Variants in COL4A5 observed in about 807,000 individuals in gnomAD.
COL4A5 encodes the protein collagen type IV alpha 5 chain, also known as collagen alpha-5(IV) chain.
Under a neutral mutation model 130.2 loss-of-function variants are expected in COL4A5, and 26 were observed. The observed-to-expected ratio is 0.20, with a 90% CI of 0.15 to 0.28. The LOEUF (loss-of-function observed/expected upper bound fraction) is 0.28, where lower values mean the gene tolerates loss of function less well. Among genes scored for constraint, COL4A5 ranks in the 10% least tolerant of loss-of-function variants. The probability of loss-of-function intolerance (pLI) is 1.00; values close to 1 mark genes in which losing one functional copy is unlikely to be tolerated. For synonymous variants in COL4A5, 496 were observed against 439.6 expected, an observed-to-expected ratio of 1.13 and a Z score of -1.60; for missense variants, 1,131 against 1,344.3, an observed-to-expected ratio of 0.84 and a Z score of 2.48.
At chrX:108,618,070 G>C (rs758251829) in intron 30 of COL4A5, among the ~76,000 whole-genome samples, 75 of 111,261 alleles carry the variant, frequency 6.7e-4, no homozygotes, top group Non-Finnish European at 1.4e-3. Flanking sequence ...TTATAAACTG[G>C]TTCCATTCGG....
rs1256412228 is a variant in COL4A5 at position 108,501,716 on chromosome X, C to G, written c.82-38030C>G. Among the ~76,000 whole-genome samples the G allele has an allele frequency of 4.5e-5, 5 of 112,127 alleles. No homozygotes were observed. The Admixed American group carries it at 4.7e-4, about 11-fold the overall frequency. On this transcript the variant is annotated intron_variant, in intron 1 of 52. Transcript: ENST00000328300. Reference sequence around the variant, plus strand: ...GCCATGATATAGTTGTGTCAATGACCTTTCAGTTACATATTACTATTATAT... The same window carrying G: ...GCCATGATATAGTTGTGTCAATGACGTTTCAGTTACATATTACTATTATAT...
At chrX:108,614,335 A>G (rs193280299) in intron 29 of COL4A5, among the ~76,000 whole-genome samples, 1 of 111,819 alleles carries the variant, frequency 8.9e-6, no homozygotes, top group Non-Finnish European at 1.9e-5. Flanking sequence ...TCTTGATTTT[A>G]GTGGTGGTTA....
At chrX:108,534,008 C>G (rs189288090) in intron 1 of COL4A5, among the ~76,000 whole-genome samples, 23 of 109,978 alleles carry the variant, frequency 2.1e-4, no homozygotes, top group African/African-American at 6.6e-4. Flanking sequence ...TTATCCCAGT[C>G]AAAATGGCTA....
intron 1 of COL4A5, among the ~76,000 whole-genome samples, chrX:108,508,650 C>T (rs1270410775): frequency 9.2e-6 from 1 of 108,545 alleles, no homozygotes; most frequent in African/African-American, 3.4e-5. Context: ...CATCACATCA[C>T]CCAACTTCAA....
intron 38 of COL4A5, among the ~76,000 whole-genome samples, chrX:108,666,007 G>T (rs2068069704): frequency 9.1e-6 from 1 of 109,384 alleles, no homozygotes; most frequent in Non-Finnish European, 1.9e-5. Context: ...AGCCAAGATC[G>T]TGCCACTGCA....
At chrX:108,485,137 A>C (rs2064931883) in intron 1 of COL4A5, among the ~76,000 whole-genome samples, 1 of 111,538 alleles carries the variant, frequency 9.0e-6, no homozygotes, top group Non-Finnish European at 1.9e-5. Flanking sequence ...CTTAAGGCCC[A>C]AGAGCTCTTC....
intron 36 of COL4A5, among the ~76,000 whole-genome samples, chrX:108,652,570 A>G (rs2067753002): frequency 2.7e-5 from 3 of 112,418 alleles, no homozygotes; most frequent in Non-Finnish European, 3.8e-5. Flanking sequence ...CTTTTTTACC[A>G]ATAGATGTCT....
chrX:108,626,587 T>C, intron 36 of COL4A5: 2 of 1,113,494 alleles, frequency 1.8e-6, no homozygotes, highest in Non-Finnish European at 2.3e-6. Context: ...CTATCTTAAT[T>C]TCTGGATATA....
At chrX:108,639,569 A>T (rs2067421081) in intron 36 of COL4A5, among the ~76,000 whole-genome samples, 1 of 111,774 alleles carries the variant, frequency 8.9e-6, no homozygotes, top group African/African-American at 3.2e-5. Context: ...TGTGCATCCA[A>T]GAACACTACT....
At chrX:108,484,693 G>A (rs975382527) in intron 1 of COL4A5, among the ~76,000 whole-genome samples, 2 of 112,860 alleles carry the variant, frequency 1.8e-5, no homozygotes, top group African/African-American at 3.2e-5. Flanking sequence ...GGCTGGAGAT[G>A]TGTTGACACA....
At chrX:108,680,539 T>G in intron 44 of COL4A5, 140 bp from the exon 45 acceptor site, 1 of 523,813 alleles carries the variant, frequency 1.9e-6, no homozygotes, top group Non-Finnish European at 3.3e-6. Context: ...CAAGATAATA[T>G]AAGGCAAAAT....
At chrX:108,606,248 T>C (rs1276231766) in intron 28 of COL4A5, among the ~76,000 whole-genome samples, 1 of 111,886 alleles carries the variant, frequency 8.9e-6, no homozygotes, top group Non-Finnish European at 1.9e-5. Flanking sequence ...ATTATTATGA[T>C]TTTATAACAT....
intron 1 of COL4A5, among the ~76,000 whole-genome samples, chrX:108,445,933 C>CTA (rs2064447420): frequency 9.0e-6 from 1 of 111,063 alleles, no homozygotes; most frequent in African/African-American, 3.3e-5. Flanking sequence ...ATTTTCTTTC[C>CTA]TATATATATA....
Position 108,597,020 on chromosome X carries a change from G to C in COL4A5, c.1539G>C (p.Gln513His), listed in dbSNP as rs1186672941. ...GPPGSLGFPG[Q>H]KGEKGQAGAT... ...TAGGATCTCTTGGTTTCCCTGGACA[G>C]AAAGGGGAAAAAGGACAAGCTGGTG... Residue 513 changes from glutamine (Q) to histidine (H), a missense_variant, in exon 23 of 53, where the codon CAG (glutamine) becomes CAC (histidine). Gln to His is a conservative substitution (Grantham distance 24). Transcript: ENST00000328300. The C allele has an allele frequency of 1.7e-6, 2 of 1,188,541 alleles. No individual in the cohort carries two copies.
chrX:108,568,443 A>G (rs1413091384), intron 4 of COL4A5, among the ~76,000 whole-genome samples, 186 bp from the exon 5 acceptor site: 1 of 112,157 alleles, frequency 8.9e-6, no homozygotes, highest in East Asian at 2.8e-4. Context: ...TTTTCAATAA[A>G]AGAGACTTTT....
chrX:108,667,865 C>T (rs1023647646), intron 40 of COL4A5, among the ~76,000 whole-genome samples: 3 of 110,862 alleles, frequency 2.7e-5, no homozygotes, highest in East Asian at 2.8e-4. Flanking sequence ...TTTTGCTAGA[C>T]GGTGATTATA....
intron 36 of COL4A5, among the ~76,000 whole-genome samples, chrX:108,653,144 G>GT (rs1200315932): frequency 1.8e-5 from 2 of 111,178 alleles, no homozygotes; most frequent in East Asian, 2.8e-4. Context: ...AAATTTCAGT[G>GT]TTTTTTTCAG....
intron 1 of COL4A5, among the ~76,000 whole-genome samples, chrX:108,484,059 T>C (rs2064920035): frequency 8.9e-6 from 1 of 112,299 alleles, no homozygotes; most frequent in Non-Finnish European, 1.9e-5. Flanking sequence ...TTTCAGTCTT[T>C]GGGTTTTCTA....
chrX:108,577,371 T>TAAA (rs2066169026), intron 10 of COL4A5, among the ~76,000 whole-genome samples: 1 of 45,239 alleles, frequency 2.2e-5, no homozygotes. Flanking sequence ...AAACTCCTTC[T>TAAA]CAAAAAAAAA....
Sources: gnomAD v4.1 joint callset for allele counts (sites outside exome capture counted in the v4.1 genomes callset) on GRCh38, gnomAD v4.1.1 for gene constraint, MANE v1.5 for transcripts, NCBI Gene and HGNC (gene_info 2026-07-23, HGNC 2026-07-21) for gene names.